Variants in TJP1 observed in about 807,000 individuals in gnomAD.
TJP1 encodes tight junction protein 1.
Under a neutral mutation model 194.2 loss-of-function variants are expected in TJP1, and 43 were observed. The observed-to-expected ratio is 0.22, with a 90% CI of 0.17 to 0.29. TJP1 has a LOEUF of 0.29. Among genes scored for constraint, TJP1 ranks in the 10% least tolerant of loss-of-function variants. TJP1 has a pLI of 1.00. For missense variants in TJP1, 1,971 were observed against 2,185.7 expected, an observed-to-expected ratio of 0.90 and a Z score of 1.96; for synonymous variants, 801 against 779.0, an observed-to-expected ratio of 1.03 and a Z score of -0.47.
In TJP1 at chr15:29,708,545, G is replaced by T; in HGVS notation, c.4850+14C>A. The T allele has an allele frequency of 6.3e-7, 1 of 1,583,278 alleles. No individual in the cohort carries two copies. Among genetic ancestry groups the T allele is most frequent in the Non-Finnish European group, 8.7e-7 (1 of 1,154,106 alleles). On this transcript the variant is annotated intron_variant, in intron 25 of 27. Coordinates refer to ENST00000614355, the MANE Select transcript of TJP1 (RefSeq NM_001330239.4). Reference sequence around the variant, plus strand: ...TCACAGGGCCAATGCTTTGAGCAAAGGCATAAGTCTTACCTCACAGGAATA... The same window carrying T: ...TCACAGGGCCAATGCTTTGAGCAAATGCATAAGTCTTACCTCACAGGAATA...
intron 2 of TJP1, among the ~76,000 whole-genome samples, chr15:29,890,930 C>T (rs2053286290): frequency 6.6e-6 from 1 of 152,216 alleles, no homozygotes; most frequent in African/African-American, 2.4e-5. Context: ...GAGCTTGCAT[C>T]AGTGCATGCT....
At chr15:29,931,782 G>A (rs936565209) in intron 2 of TJP1, among the ~76,000 whole-genome samples, 1 of 152,160 alleles carries the variant, frequency 6.6e-6, no homozygotes, top group South Asian at 2.1e-4. Flanking sequence ...AGTTTATTAG[G>A]AAAGTAAAGG....
intron 1 of TJP1, chr15:29,968,444 G>A (rs990392990): frequency 4.1e-6 from 4 of 977,212 alleles, no homozygotes; most frequent in Non-Finnish European, 3.6e-6. Flanking sequence ...CGAGGGTCTC[G>A]GCGAAACCAG....
At chr15:29,807,312 A>T (rs1006522386) in intron 1 of TJP1, among the ~76,000 whole-genome samples, 14 of 152,366 alleles carry the variant, frequency 9.2e-5, no homozygotes, top group African/African-American at 3.4e-4. Context: ...CATCAGCTTA[A>T]AAGTTACCAT....
chr15:29,956,187 C>A, intron 2 of TJP1: 1 of 1,160,694 alleles, frequency 8.6e-7, no homozygotes, highest in Non-Finnish European at 1.1e-6. Flanking sequence ...TAAAAACTTT[C>A]ATACTCTTTG....
intron 12 of TJP1, 115 bp downstream of exon 12, chr15:29,734,159 C>T: frequency 1.5e-6 from 1 of 667,918 alleles, no homozygotes; most frequent in Non-Finnish European, 2.5e-6. Flanking sequence ...TTGAGATTAA[C>T]AAATTCATTC....
At chr15:29,969,036 C>G (rs978908322), upstream of TJP1, among the ~76,000 whole-genome samples, 35 of 147,008 alleles carry the variant, frequency 2.4e-4, no homozygotes, top group African/African-American at 8.3e-4. Context: ...CCCTGCAGGC[C>G]GTGGCCCGGC....
In TJP1 at chr15:29,729,801, C is replaced by T. The variant is rs537342444; in HGVS notation, c.2018-1782G>A. Among the ~76,000 whole-genome samples, 14 of 141,590 alleles carry T rather than the reference C, an allele frequency of 9.9e-5. No individual in the cohort carries two copies. The East Asian group carries it at 2.1e-3, about 21-fold the overall frequency. The allele number at this position is 141,590 out of a possible 152,430, so 92.9% of individuals were successfully genotyped here. On this transcript the variant is annotated intron_variant, in intron 15 of 27. Coordinates refer to ENST00000614355, the MANE Select transcript of TJP1 (RefSeq NM_001330239.4). ...TCGTGCCACTGCACTCCAGCCTGGG[C>T]GACAGAGCGAGACTCTGTTTCAAAA...
At chr15:29,771,742 T>C (rs149747619) in intron 4 of TJP1, among the ~76,000 whole-genome samples, 91 of 151,776 alleles carry the variant, frequency 6.0e-4, no homozygotes, top group African/African-American at 2.1e-3. Flanking sequence ...GAGGCGGAGT[T>C]TGCAGTGAGC....
intron 2 of TJP1, among the ~76,000 whole-genome samples, chr15:29,949,569 CCACA>C (rs1260856725): frequency 1.7e-3 from 226 of 131,938 alleles, no homozygotes; most frequent in Middle Eastern, 5.2e-3. Context: ...ACCTCCACTT[CCACA>C]ACCACCACCT....
At chr15:29,793,471 T>TA (rs144898152) in intron 2 of TJP1, among the ~76,000 whole-genome samples, 2,614 of 152,202 alleles carry the variant, frequency 0.017, 74 homozygotes, top group African/African-American at 0.06. Context: ...GCAATTTATA[T>TA]AAAAAAAGAG....
intron 8 of TJP1, among the ~76,000 whole-genome samples, chr15:29,756,185 A>C (rs1313307369): frequency 6.6e-6 from 1 of 152,136 alleles, no homozygotes; most frequent in Non-Finnish European, 1.5e-5. Flanking sequence ...AAGTGTCACC[A>C]TCAACTGTGG....
At chr15:29,742,867 C>G in intron 8 of TJP1, 86 bp from the exon 9 acceptor site, 3 of 1,238,902 alleles carry the variant, frequency 2.4e-6, no homozygotes, top group Non-Finnish European at 3.2e-6. Flanking sequence ...AGAGGCAATG[C>G]AACTTCAAAA....
At chr15:29,718,233 C>T (rs746195215) in intron 21 of TJP1, 33 bp downstream of exon 21, 1 of 1,601,146 alleles carries the variant, frequency 6.2e-7, no homozygotes, top group Non-Finnish European at 8.5e-7. Context: ...AAACGGTGTG[C>T]CCATGCATCC....
chr15:29,843,510 T>C (rs2051304150), intron 2 of TJP1, among the ~76,000 whole-genome samples: 1 of 152,126 alleles, frequency 6.6e-6, no homozygotes, highest in Non-Finnish European at 1.5e-5. Context: ...TTTCTATCAA[T>C]GCAAAGTTGG....
intron 1 of TJP1, chr15:29,821,507 G>A (rs1229400790): frequency 6.6e-6 from 1 of 152,212 alleles, no homozygotes; most frequent in Non-Finnish European, 1.5e-5. Context: ...CCTTATCGCT[G>A]GCGTGCGCAT....
intron 1 of TJP1, chr15:29,968,582 G>T: frequency 2.3e-6 from 2 of 864,752 alleles, no homozygotes; most frequent in Non-Finnish European, 2.8e-6. Context: ...CGACCGCCCC[G>T]GCCGCCGCTC....
At chr15:29,943,406 G>C (rs1354153823) in intron 2 of TJP1, among the ~76,000 whole-genome samples, 1 of 152,110 alleles carries the variant, frequency 6.6e-6, no homozygotes, top group Non-Finnish European at 1.5e-5. Flanking sequence ...GAGGCGGGTG[G>C]ATCATGAGGT....
chr15:29,704,041 A>G, intron 27 of TJP1, 121 bp downstream of exon 27: 2 of 1,083,338 alleles, frequency 1.8e-6, no homozygotes, highest in Non-Finnish European at 2.6e-6. Flanking sequence ...GGTGATGCCT[A>G]CAAGGCCACA....
Sources: allele counts gnomAD v4.1 joint callset (sites outside exome capture counted in the v4.1 genomes callset), GRCh38; gene constraint gnomAD v4.1.1; transcripts MANE v1.5; gene names NCBI Gene and HGNC (gene_info 2026-07-23, HGNC 2026-07-21).